FRMD5: variants seen among roughly 807,000 people sequenced by gnomAD.
FRMD5 encodes the protein FERM domain containing 5.
Under a neutral mutation model 69.0 loss-of-function variants are expected in FRMD5, and 20 were observed. That is an observed-to-expected ratio of 0.29 (90% CI 0.20 to 0.42). The LOEUF (loss-of-function observed/expected upper bound fraction) is 0.42. Among genes scored for constraint, FRMD5 ranks in the 10% least tolerant of loss-of-function variants. The pLI is 1.00. For synonymous variants in FRMD5, 271 were observed against 260.1 expected (o/e 1.04, Z -0.40); for missense variants, 595 against 708.6 (o/e 0.84, Z 1.82).
intron 1 of FRMD5, among the ~76,000 whole-genome samples, chr15:44,020,121 GATATC>G (rs1300181953): frequency 6.6e-6 from 1 of 152,024 alleles, no homozygotes; most frequent in Non-Finnish European, 1.5e-5. Context: ...TATATGGTAT[GATATC>G]ATATCATATC....
At chr15:43,939,237 G>T (rs184219873) in intron 1 of FRMD5, among the ~76,000 whole-genome samples, 13 of 152,198 alleles carry the variant, frequency 8.5e-5, no homozygotes, top group Non-Finnish European at 1.8e-4. Context: ...AATATCAGTG[G>T]ATAACCAATC....
chr15:43,891,379 A>C (rs1432934989), intron 8 of FRMD5, among the ~76,000 whole-genome samples: 2 of 152,056 alleles, frequency 1.3e-5, no homozygotes, highest in Non-Finnish European at 2.9e-5. Context: ...GGAAGGAAGA[A>C]AGAGTGGGAA....
intron 1 of FRMD5, among the ~76,000 whole-genome samples, chr15:44,033,941 C>T (rs559123204): frequency 2.0e-5 from 3 of 152,138 alleles, no homozygotes; most frequent in African/African-American, 4.8e-5. Flanking sequence ...GATTAGGATT[C>T]GCTCTTATTT....
At chr15:43,971,793 A>G (rs1341322652) in intron 1 of FRMD5, among the ~76,000 whole-genome samples, 3 of 150,402 alleles carry the variant, frequency 2.0e-5, no homozygotes, top group East Asian at 2.0e-4. Context: ...TGCAACCTCC[A>G]TCTCCCGGGT....
intron 1 of FRMD5, among the ~76,000 whole-genome samples, chr15:44,149,735 C>A (rs1025987560): frequency 6.6e-6 from 1 of 151,958 alleles, no homozygotes; most frequent in African/African-American, 2.4e-5. Flanking sequence ...AATAACAGAC[C>A]ATCAAAATAT....
intron 1 of FRMD5, among the ~76,000 whole-genome samples, chr15:44,046,930 G>T (rs1163406958): frequency 6.6e-6 from 1 of 152,090 alleles, no homozygotes; most frequent in Admixed American, 6.6e-5. Context: ...TATTAATTCA[G>T]ATTTTGCTAT....
intron 1 of FRMD5, among the ~76,000 whole-genome samples, chr15:43,972,881 C>A (rs1040696717): frequency 1.3e-5 from 2 of 152,208 alleles, no homozygotes; most frequent in African/African-American, 2.4e-5. Flanking sequence ...ACCCAGGCTT[C>A]TACATGATTG....
chr15:43,875,348 C>CA (rs1202161221), intron 13 of FRMD5, among the ~76,000 whole-genome samples: 1,747 of 46,684 alleles, frequency 0.037, 66 homozygotes, highest in East Asian at 0.058. Flanking sequence ...AAGACTGTCT[C>CA]AAAAAAAAAA....
chr15:43,983,279 G>T (rs956590446), intron 1 of FRMD5, among the ~76,000 whole-genome samples: 5 of 152,056 alleles, frequency 3.3e-5, no homozygotes, highest in Admixed American at 6.6e-5. Flanking sequence ...TTTACTCTGA[G>T]ATCTAATGTA....
intron 1 of FRMD5, among the ~76,000 whole-genome samples, chr15:44,188,918 A>G (rs1595572478): frequency 6.6e-6 from 1 of 152,230 alleles, no homozygotes; most frequent in East Asian, 1.9e-4. Context: ...GGTCATGGTA[A>G]TTCGGGGAGT....
At chr15:43,898,720 G>C (rs910230667) in intron 7 of FRMD5, among the ~76,000 whole-genome samples, 1 of 152,228 alleles carries the variant, frequency 6.6e-6, no homozygotes, top group African/African-American at 2.4e-5. Flanking sequence ...CCAGTGGTTT[G>C]CTTCATTCTC....
At chr15:44,046,412 C>T (rs1384639264) in intron 1 of FRMD5, among the ~76,000 whole-genome samples, 1 of 152,180 alleles carries the variant, frequency 6.6e-6, no homozygotes, top group African/African-American at 2.4e-5. Context: ...CTTTATTGCA[C>T]CAAGGACACT....
At chr15:43,958,970 A>G (rs2090156287) in intron 1 of FRMD5, among the ~76,000 whole-genome samples, 2 of 152,164 alleles carry the variant, frequency 1.3e-5, no homozygotes, top group African/African-American at 4.8e-5. Context: ...TGGCATACAA[A>G]CAACACTGAC....
At chr15:44,027,020 G>GT in intron 1 of FRMD5, among the ~76,000 whole-genome samples, 1 of 152,286 alleles carries the variant, frequency 6.6e-6, no homozygotes, top group African/African-American at 2.4e-5. Context: ...AGAATCTGTG[G>GT]TGTTTGTTGG....
At chr15:44,136,425 T>G (rs2077186901) in intron 1 of FRMD5, among the ~76,000 whole-genome samples, 1 of 152,196 alleles carries the variant, frequency 6.6e-6, no homozygotes, top group Non-Finnish European at 1.5e-5. Context: ...GTTAATATTT[T>G]TATTCTATAA....
intron 1 of FRMD5, among the ~76,000 whole-genome samples, chr15:44,044,749 A>G (rs1050515888): frequency 2.0e-5 from 3 of 150,138 alleles, no homozygotes; most frequent in African/African-American, 7.4e-5. Flanking sequence ...AACGTCACAC[A>G]CTGGGGCCTG....
intron 1 of FRMD5, among the ~76,000 whole-genome samples, chr15:44,115,154 T>C (rs2076851293): frequency 6.6e-6 from 1 of 152,170 alleles, no homozygotes; most frequent in Non-Finnish European, 1.5e-5. Context: ...CTCTGAAAAA[T>C]GCTTATGTTA....
intron 1 of FRMD5, among the ~76,000 whole-genome samples, chr15:44,040,463 T>A (rs2140312381): frequency 6.6e-6 from 1 of 152,222 alleles, no homozygotes; most frequent in East Asian, 1.9e-4. Context: ...TAACAGCAGA[T>A]CTCTTGACAG....
At chr15:44,197,570 T>C (rs922675308), upstream of FRMD5, among the ~76,000 whole-genome samples, 3 of 149,922 alleles carry the variant, frequency 2.0e-5, no homozygotes, top group Non-Finnish European at 4.4e-5. Flanking sequence ...TAGTCTCAGC[T>C]ACTCAGGAGG....
Sources: gnomAD v4.1 joint callset for allele counts (sites outside exome capture counted in the v4.1 genomes callset) on GRCh38, gnomAD v4.1.1 for gene constraint, MANE v1.5 for transcripts, NCBI Gene and HGNC (gene_info 2026-07-23, HGNC 2026-07-21) for gene names.